IQSEC3: variants seen among roughly 807,000 people sequenced by gnomAD.
IQSEC3 encodes the protein IQ motif and SEC7 domain-containing protein 3.
IQSEC3 carries 50 observed loss-of-function variants against 105.4 expected under a neutral mutation model. That is an observed-to-expected ratio of 0.47 (90% CI 0.38 to 0.60). The LOEUF (loss-of-function observed/expected upper bound fraction) is 0.60, where lower values mean the gene tolerates loss of function less well. IQSEC3 is among the 20% of genes least tolerant of loss of function. IQSEC3 has a pLI of 0.00. For missense variants in IQSEC3, 1,415 were observed against 1,630.0 expected, an observed-to-expected ratio of 0.87 and a Z score of 2.27; for synonymous variants, 708 against 746.0, an observed-to-expected ratio of 0.95 and a Z score of 0.83.
In IQSEC3 at chr12:138,740, G is replaced by A. The variant is rs2136998271; in HGVS notation, c.1377G>A (p.Ala459=). The change falls in exon 4 of 14, where the codon GCG becomes GCA. Residue 459 remains alanine, a synonymous_variant. Coordinates refer to ENST00000538872, the MANE Select transcript of IQSEC3 (RefSeq NM_001170738.2). This position sits in a 1 kb window ranked among gnomAD's most constrained non-coding sequence, Gnocchi z 7.1. ...LEAEGRAPES[A]GPGPGDDAAE... ...CCGAGGGGCGGGCGCCGGAGAGCGC[G>A]GGCCCCGGGCCCGGGGATGACGCCG... 1.2e-5 allele frequency: 18 copies of A among 1,514,796 alleles called. No individual in the cohort carries two copies. Among genetic ancestry groups the A allele is most frequent in the East Asian group, 2.5e-5 (1 of 40,676 alleles). 93.8% of individuals were successfully genotyped at this position (1,514,796 alleles called of 1,614,324 possible).
intron 2 of IQSEC3, among the ~76,000 whole-genome samples, chr12:115,343 T>C (rs1865015391): frequency 6.6e-6 from 1 of 151,938 alleles, no homozygotes; most frequent in African/African-American, 2.4e-5. Flanking sequence ...CTGACCTGGG[T>C]TGGAACAGAA....
intron 2 of IQSEC3, among the ~76,000 whole-genome samples, chr12:116,870 G>T (rs574428481): frequency 6.6e-6 from 1 of 152,334 alleles, no homozygotes; most frequent in South Asian, 2.1e-4. Context: ...GGGAAGGACC[G>T]ACACAAATTC....
intron 2 of IQSEC3, among the ~76,000 whole-genome samples, chr12:105,741 T>C (rs1014767728): frequency 6.6e-6 from 1 of 152,250 alleles, no homozygotes; most frequent in Non-Finnish European, 1.5e-5. Flanking sequence ...TGTCTTGTCA[T>C]TGAGTTTTGA....
rs1866747662 is a variant in IQSEC3 at position 157,826 on chromosome 12, A to G, written c.2443+132A>G. The G allele has an allele frequency of 3.9e-6, 4 of 1,035,844 alleles. No homozygotes were observed. In the African/African-American group the frequency reaches 6.5e-5, roughly 17 times the overall value. 64.2% of individuals were successfully genotyped at this position (1,035,844 alleles called of 1,614,324 possible). ...CTGTCTGGGCCTGGTCACCCATAGC[A>G]AGCTGGGAACATTCCTTGTGAGCCA... On this transcript the variant is annotated intron_variant, in intron 7 of 13. Transcript: ENST00000538872.
At chr12:153,274 G>A (rs1416733094) in intron 5 of IQSEC3, among the ~76,000 whole-genome samples, 1 of 152,092 alleles carries the variant, frequency 6.6e-6, no homozygotes, top group Non-Finnish European at 1.5e-5. Flanking sequence ...GGATGACACA[G>A]GCCCCATCAG....
At chr12:165,557 A>ATTAC (rs782564045) in intron 10 of IQSEC3, 24 bp downstream of exon 10, 1 of 1,603,230 alleles carries the variant, frequency 6.2e-7, no homozygotes, top group Non-Finnish European at 8.5e-7. Flanking sequence ...AGCCAGTGTA[A>ATTAC]GTCTTTGAGA....
intron 1 of IQSEC3, among the ~76,000 whole-genome samples, chr12:73,079 TAAA>T (rs1863387366): frequency 7.6e-6 from 1 of 131,594 alleles, no homozygotes; most frequent in East Asian, 2.2e-4. Flanking sequence ...AATAAATAAA[TAAA>T]TAAATAAATA....
intron 1 of IQSEC3, among the ~76,000 whole-genome samples, chr12:78,265 G>C (rs541598424): frequency 1.3e-5 from 2 of 151,862 alleles, no homozygotes; most frequent in African/African-American, 4.8e-5. Context: ...CCGCCAGCCC[G>C]GGGAGCATCG....
chr12:111,146 T>C (rs1256131829), intron 2 of IQSEC3, among the ~76,000 whole-genome samples: 1 of 152,106 alleles, frequency 6.6e-6, no homozygotes, highest in Non-Finnish European at 1.5e-5. Context: ...TTTCTTCTTT[T>C]TAAAGGGGAA....
chr12:125,474 T>C (rs1248506458), intron 2 of IQSEC3, among the ~76,000 whole-genome samples, 159 bp from the exon 3 acceptor site: 3 of 152,072 alleles, frequency 2.0e-5, no homozygotes, highest in East Asian at 1.9e-4. Context: ...ATCCCTGCCA[T>C]GGTAGCCCCT....
At chr12:149,240 C>G (rs1555091926) in intron 5 of IQSEC3, 1 of 152,294 alleles carries the variant, frequency 6.6e-6, no homozygotes, top group Non-Finnish European at 1.5e-5. Flanking sequence ...TGAGACAGGT[C>G]CGGTCATGCC....
intron 5 of IQSEC3, among the ~76,000 whole-genome samples, chr12:153,443 C>T (rs1555093221): frequency 2.0e-5 from 3 of 152,156 alleles, no homozygotes; most frequent in Non-Finnish European, 4.4e-5. Context: ...CCTGAGAGGT[C>T]ACCTGGTCCA....
intron 3 of IQSEC3, among the ~76,000 whole-genome samples, chr12:129,834 C>G (rs1281751729): frequency 6.6e-6 from 1 of 152,178 alleles, no homozygotes; most frequent in Non-Finnish European, 1.5e-5. Flanking sequence ...CCCCACAGAT[C>G]CCCATACCCC....
rs903174553 is a variant in IQSEC3 at position 178,127 on chromosome 12, G to A, written c.*3094G>A. On this transcript the variant is annotated 3_prime_UTR_variant, in exon 14 of 14. Transcript: ENST00000538872. ...TGGAAGCCTGCCTGCCTGCCTGCCC[G>A]TCTGCACAGGTGTCTTGATCCAGCC... The A allele has an allele frequency of 1.2e-4, 19 of 152,420 alleles. No individual in the cohort carries two copies. Among genetic ancestry groups the A allele is most frequent in the South Asian group, 2.1e-4 (1 of 4,812 alleles). 9.4% of individuals were successfully genotyped at this position (152,420 alleles called of 1,614,324 possible). A position where few individuals can be genotyped will look rare whatever the true frequency, so the allele number is the denominator to read the frequency against.
rs369414605 is a variant in IQSEC3, at chr12:157,745, C to T, written c.2443+51C>T. 3.0e-4 allele frequency: 467 copies of T among 1,565,374 alleles called. No homozygotes were observed. In the African/African-American group the frequency reaches 6.0e-3, roughly 20 times the overall value. On this transcript the variant is annotated intron_variant, in intron 7 of 13. Coordinates refer to ENST00000538872, the MANE Select transcript of IQSEC3 (RefSeq NM_001170738.2). ...AGGGGCAAGGCCACGGCTCAGGCCC[C>T]ATTCTGTGCACCGTGCATTCTGTGA...
chr12:97,536 C>T (rs1864276362), intron 1 of IQSEC3, among the ~76,000 whole-genome samples: 1 of 152,224 alleles, frequency 6.6e-6, no homozygotes, highest in South Asian at 2.1e-4. Context: ...TTGGCTCAGA[C>T]AGGTGTGATG....
chr12:154,555 A>C (rs187776820), intron 5 of IQSEC3, among the ~76,000 whole-genome samples: 16 of 152,234 alleles, frequency 1.1e-4, no homozygotes, highest in Admixed American at 1.0e-3. Flanking sequence ...AGAGGGACCA[A>C]GGGCCGTTCT....
intron 13 of IQSEC3, among the ~76,000 whole-genome samples, chr12:173,786 C>T (rs1939130321): frequency 6.6e-6 from 1 of 152,194 alleles, no homozygotes; most frequent in African/African-American, 2.4e-5. Flanking sequence ...CACCCATCTC[C>T]TCCACCTCCC....
Position 87,417 on chromosome 12 carries a change from G to A in IQSEC3, c.555-11729G>A, listed in dbSNP as rs191357528. Among the ~76,000 whole-genome samples the A allele has an allele frequency of 2.6e-3, 390 of 152,260 alleles. 1 individual carries two copies. The highest frequency in any genetic ancestry group is 0.017 in the Middle Eastern group (5 of 294). The stretch of plus-strand genomic sequence containing the variant: ...TTCAAATAGGGAGATTTGGGCCAAC[G>A]TATGCTACAGAAAAGTGAAGTCAGA... On this transcript the variant is annotated intron_variant, in intron 1 of 13. Coordinates refer to ENST00000538872, the MANE Select transcript of IQSEC3 (RefSeq NM_001170738.2).
Sources: gnomAD v4.1 joint callset for allele counts (sites outside exome capture counted in the v4.1 genomes callset) on GRCh38, gnomAD v4.1.1 for gene constraint, Gnocchi (gnomAD v3.1) non-coding constraint, MANE v1.5 for transcripts, NCBI Gene and HGNC (gene_info 2026-07-23, HGNC 2026-07-21) for gene names.